GLI3: variants seen among roughly 807,000 people sequenced by gnomAD.
GLI3 encodes GLI family zinc finger 3, also known as transcription activator GLI3.
In GLI3, 20 loss-of-function variants were observed where a neutral mutation model predicts 100.8. The ratio of observed to expected loss-of-function variants is 0.20; its 90% confidence interval spans 0.14 to 0.29. The LOEUF is 0.29. Ranked by LOEUF, GLI3 falls within the 10% of genes least tolerant of loss-of-function variation. The pLI, the probability that GLI3 is intolerant of heterozygous loss-of-function variation, is 1.00. For missense variants in GLI3, 2,040 were observed against 2,128.5 expected (o/e 0.96, Z 0.82); for synonymous variants, 938 against 860.5 (o/e 1.09, Z -1.58).
At chr7:42,121,374 C>T (rs183557093) in intron 3 of GLI3, among the ~76,000 whole-genome samples, 3 of 152,266 alleles carry the variant, frequency 2.0e-5, no homozygotes, top group African/African-American at 4.8e-5. Flanking sequence ...CCTGGGACCA[C>T]ATGTTGATAA....
At chr7:42,190,760 A>C (rs1299620640) in intron 2 of GLI3, among the ~76,000 whole-genome samples, 1 of 152,206 alleles carries the variant, frequency 6.6e-6, no homozygotes, top group Non-Finnish European at 1.5e-5. Context: ...CTATGTATGG[A>C]CACACAGCAA....
Position 41,965,971 on chromosome 7 carries a change from C to T in GLI3, c.3102G>A (p.Ala1034=). 1.2e-6 allele frequency: 2 copies of T among 1,608,346 alleles called. No individual in the cohort carries two copies. Among genetic ancestry groups the T allele is most frequent in the Non-Finnish European group, 1.7e-6 (2 of 1,179,504 alleles). The change falls in exon 15 of 15, where the codon GCG becomes GCA. Residue 1034 remains alanine (A), a synonymous_variant. Transcript: ENST00000395925. The part of the protein sequence containing the change: ...FSSLSSCNPP[A]MATSAEKRSL... ...TGCGCTTCTCCGCGGACGTGGCCATCGCCGGGGGGTTGCAGCTGCTGAGGC... is the reference window on the plus strand; with the variant it reads ...TGCGCTTCTCCGCGGACGTGGCCATTGCCGGGGGGTTGCAGCTGCTGAGGC...
Position 42,109,280 on chromosome 7 carries a change from A to G in GLI3, c.368-32423T>C, listed in dbSNP as rs115693724. Among the ~76,000 whole-genome samples the G allele has an allele frequency of 2.9e-3, 443 of 152,310 alleles. 2 individuals carry two copies. Among genetic ancestry groups the G allele is most frequent in the African/African-American group, 0.01 (423 of 41,558 alleles). ...AAATCTGCGGTTCATCACAGTCACTACAGGGCAGCCAAGAGCTGGATAAAG... is the reference window on the plus strand; with the variant it reads ...AAATCTGCGGTTCATCACAGTCACTGCAGGGCAGCCAAGAGCTGGATAAAG... On this transcript the variant is annotated intron_variant, in intron 3 of 14. Coordinates refer to ENST00000395925, the MANE Select transcript of GLI3 (RefSeq NM_000168.6).
At chr7:42,067,094 A>C (rs1784690410) in intron 4 of GLI3, among the ~76,000 whole-genome samples, 2 of 152,238 alleles carry the variant, frequency 1.3e-5, no homozygotes, top group East Asian at 3.9e-4. Flanking sequence ...GGCAGGTAAT[A>C]AAAGTATTAA....
intron 10 of GLI3, among the ~76,000 whole-genome samples, chr7:42,010,894 C>T (rs1788594294): frequency 6.6e-6 from 1 of 152,144 alleles, no homozygotes; most frequent in South Asian, 2.1e-4. Context: ...TAAGATTCCA[C>T]AACTAGGAGG....
intron 4 of GLI3, among the ~76,000 whole-genome samples, chr7:42,063,673 G>C (rs1242282774): frequency 6.6e-6 from 1 of 152,168 alleles, no homozygotes; most frequent in African/African-American, 2.4e-5. Context: ...TTTAAATATG[G>C]GGATAGATAT....
chr7:42,167,389 G>A (rs558189137), intron 2 of GLI3, among the ~76,000 whole-genome samples: 17 of 152,220 alleles, frequency 1.1e-4, no homozygotes, highest in Middle Eastern at 3.4e-3. Flanking sequence ...TTAATATTTA[G>A]CCCATGCATA....
At chr7:42,199,466 T>C (rs1025135155) in intron 2 of GLI3, among the ~76,000 whole-genome samples, 1 of 152,224 alleles carries the variant, frequency 6.6e-6, no homozygotes, top group Non-Finnish European at 1.5e-5. Context: ...CCAGTTCCCC[T>C]GTCTCACCAA....
chr7:42,196,966 C>T (rs1255784689), intron 2 of GLI3, among the ~76,000 whole-genome samples: 1 of 152,192 alleles, frequency 6.6e-6, no homozygotes, highest in Admixed American at 6.5e-5. Context: ...ACATCATGTG[C>T]TTCATTTCTA....
chr7:42,172,361 T>C lies in GLI3; in HGVS notation c.125-23893A>G, dbSNP rs548346964. On this transcript the variant is annotated intron_variant, in intron 2 of 14. Coordinates refer to ENST00000395925, the MANE Select transcript of GLI3 (RefSeq NM_000168.6). Reference sequence around the variant, plus strand: ...TTCAAACAGAAAAGAGGGATCCGCATGTCTTAACTCACTGCCTCTGTGGTA... The same window carrying C: ...TTCAAACAGAAAAGAGGGATCCGCACGTCTTAACTCACTGCCTCTGTGGTA... 1.9e-4 allele frequency: 111 copies of C among 584,938 alleles called. 1 individual carries two copies. Among genetic ancestry groups the C allele is most frequent in the African/African-American group, 1.8e-3 (99 of 53,728 alleles). The allele number at this position is 584,938 out of a possible 1,614,324, so 36.2% of individuals were successfully genotyped here.
chr7:42,246,654 C>T (rs1788975831), intron 1 of GLI3, among the ~76,000 whole-genome samples: 2 of 151,374 alleles, frequency 1.3e-5, no homozygotes, highest in South Asian at 4.2e-4. Flanking sequence ...CTACATTGGA[C>T]TCATGACTTG....
intron 1 of GLI3, among the ~76,000 whole-genome samples, chr7:42,251,178 C>T (rs11974010): frequency 6.6e-6 from 1 of 151,980 alleles, no homozygotes; most frequent in Non-Finnish European, 1.5e-5. Flanking sequence ...CTGGTCCAGC[C>T]GCCCCCAACC....
At chr7:41,990,328 C>T (rs776531229) in intron 10 of GLI3, among the ~76,000 whole-genome samples, 8 of 152,062 alleles carry the variant, frequency 5.3e-5, no homozygotes, top group Non-Finnish European at 8.8e-5. Context: ...CACATGAAGC[C>T]TAAGCATATA....
intron 3 of GLI3, among the ~76,000 whole-genome samples, chr7:42,087,171 G>C (rs1395166469): frequency 7.9e-5 from 12 of 152,172 alleles, no homozygotes; most frequent in Admixed American, 5.9e-4. Flanking sequence ...GGTGGACCAG[G>C]CTAGCCATCC....
At chr7:42,135,962 C>T (rs1028894924) in intron 3 of GLI3, among the ~76,000 whole-genome samples, 1 of 152,216 alleles carries the variant, frequency 6.6e-6, no homozygotes, top group Non-Finnish European at 1.5e-5. Flanking sequence ...CTTCCCACCA[C>T]CTCCTCCCCT....
intron 4 of GLI3, among the ~76,000 whole-genome samples, chr7:42,071,839 A>AT (rs1784789807): frequency 1.3e-5 from 2 of 152,116 alleles, no homozygotes; most frequent in Non-Finnish European, 2.9e-5. Context: ...AGCTGATATT[A>AT]ATGATCTTCA....
chr7:42,142,046 G>T (rs573561592), intron 3 of GLI3, among the ~76,000 whole-genome samples: 2 of 152,250 alleles, frequency 1.3e-5, no homozygotes, highest in Admixed American at 1.3e-4. Context: ...AAAGGAGGTC[G>T]GGCCACCAGG....
At chr7:41,995,283 A>G (rs1220570797) in intron 10 of GLI3, among the ~76,000 whole-genome samples, 1 of 152,198 alleles carries the variant, frequency 6.6e-6, no homozygotes, top group Non-Finnish European at 1.5e-5. Flanking sequence ...CATCCGTCAT[A>G]GATGTGGGAA....
At chr7:42,161,867 CA>C (rs1787137341) in intron 2 of GLI3, among the ~76,000 whole-genome samples, 2 of 152,142 alleles carry the variant, frequency 1.3e-5, no homozygotes, top group Non-Finnish European at 2.9e-5. Flanking sequence ...GGAGTGTTTC[CA>C]CCTCTTGTGT....
Sources: allele counts gnomAD v4.1 joint callset (sites outside exome capture counted in the v4.1 genomes callset), GRCh38; gene constraint gnomAD v4.1.1; transcripts MANE v1.5; gene names NCBI Gene and HGNC (gene_info 2026-07-23, HGNC 2026-07-21).